PRELID2: variants seen among roughly 807,000 people sequenced by gnomAD.
The protein encoded by PRELID2 is PRELI domain containing 2, also known as PRELI domain-containing protein 2.
PRELID2 carries 25 observed loss-of-function variants against 28.4 expected under a neutral mutation model. That is an observed-to-expected ratio of 0.88 (90% CI 0.64 to 1.23). PRELID2 has a LOEUF of 1.23. Ranked by LOEUF, PRELID2 falls within the 50% of genes most tolerant of loss-of-function variation. The probability of loss-of-function intolerance (pLI) is 0.00; values close to 1 mark genes in which losing one functional copy is unlikely to be tolerated. For missense variants in PRELID2, 201 were observed against 214.4 expected (o/e 0.94, Z 0.39); for synonymous variants, 76 against 71.6 (o/e 1.06, Z -0.31).
chr5:145,756,206 G>A (rs1178374319), downstream of PRELID2, among the ~76,000 whole-genome samples: 1 of 152,164 alleles, frequency 6.6e-6, no homozygotes, highest in Non-Finnish European at 1.5e-5. Flanking sequence ...AGGGAAGGCA[G>A]GGAGCTAACA....
chr5:145,342,684 A>C, the PRELID2 span, among the ~76,000 whole-genome samples: 3 of 151,518 alleles, frequency 2.0e-5, no homozygotes, highest in African/African-American at 7.3e-5. Flanking sequence ...CTAGAGAATT[A>C]TTGTATTTCT....
chr5:145,335,710 G>T, the PRELID2 span, among the ~76,000 whole-genome samples: 1 of 152,160 alleles, frequency 6.6e-6, no homozygotes, highest in Non-Finnish European at 1.5e-5. Context: ...GTTCTAAGAG[G>T]CAAGTTTAAG....
chr5:145,698,442 C>T (rs527506632), intron 1 of PRELID2, among the ~76,000 whole-genome samples: 1 of 152,242 alleles, frequency 6.6e-6, no homozygotes, highest in African/African-American at 2.4e-5. Flanking sequence ...GTTTGGGCTG[C>T]TATAACAAGT....
At chr5:145,415,651 G>A in the PRELID2 span, among the ~76,000 whole-genome samples, 105 of 150,412 alleles carry the variant, frequency 7.0e-4, no homozygotes, top group African/African-American at 2.5e-3. Context: ...TGGTGTATAT[G>A]TGCCACATTT....
At chr5:145,261,131 C>A in the PRELID2 span, among the ~76,000 whole-genome samples, 1 of 152,222 alleles carries the variant, frequency 6.6e-6, no homozygotes, top group South Asian at 2.1e-4. Flanking sequence ...GCCTGAGAAC[C>A]ACACTCCCAT....
chr5:145,595,173 C>CACATACAT (rs752415508), intron 1 of PRELID2, among the ~76,000 whole-genome samples: 1 of 150,558 alleles, frequency 6.6e-6, no homozygotes. Context: ...CACACACACA[C>CACATACAT]ACACACACAC....
the PRELID2 span, among the ~76,000 whole-genome samples, chr5:145,426,581 A>C: frequency 6.6e-6 from 1 of 152,198 alleles, no homozygotes; most frequent in Non-Finnish European, 1.5e-5. Flanking sequence ...TTTATGGTAC[A>C]TTGCCTATAT....
At chr5:145,415,837 A>T in the PRELID2 span, among the ~76,000 whole-genome samples, 1 of 151,744 alleles carries the variant, frequency 6.6e-6, no homozygotes. Flanking sequence ...CTAGTTCTAG[A>T]TCCCTGAGGA....
rs1408752175 is a variant in PRELID2, at chr5:145,592,144, C to T, written n.71-118829G>A. Among the ~76,000 whole-genome samples, 6 of 152,258 alleles carry T rather than the reference C, an allele frequency of 3.9e-5. No individual in the cohort carries two copies. The South Asian group carries it at 6.2e-4, about 16-fold the overall frequency. On this transcript the variant is annotated intron_variant and non_coding_transcript_variant, in intron 1 of 2. Coordinates refer to the PRELID2 transcript ENST00000510259. ...GAAAACTTGTTAAATCAGCCAGGCACGGTGGCTCACGCCTGTAATCCCACC... is the reference window on the plus strand; with the variant it reads ...GAAAACTTGTTAAATCAGCCAGGCATGGTGGCTCACGCCTGTAATCCCACC...
chr5:145,669,050 C>T (rs534479510), intron 1 of PRELID2, among the ~76,000 whole-genome samples: 16 of 152,096 alleles, frequency 1.1e-4, no homozygotes, highest in Non-Finnish European at 1.8e-4. Flanking sequence ...TCCCCGTGCT[C>T]CCCAGCTTCC....
Position 145,725,360 on chromosome 5 carries a change from G to C in PRELID2, n.70+39571C>G, listed in dbSNP as rs1228641553. ...ATTCTTGGAGTTGGTAGAAATGTAG[G>C]GATGTAAACCTTTAAGCATTGCTAA... is the stretch of plus-strand genomic sequence containing the variant. On this transcript the variant is annotated intron_variant and non_coding_transcript_variant, in intron 1 of 2. Coordinates refer to the PRELID2 transcript ENST00000510259. 2.0e-5 allele frequency among the ~76,000 whole-genome samples: 3 copies of C among 152,194 alleles called. No homozygotes were observed. The East Asian group carries it at 5.8e-4, about 29-fold the overall frequency.
At chr5:145,277,034 T>C in the PRELID2 span, among the ~76,000 whole-genome samples, 1 of 152,196 alleles carries the variant, frequency 6.6e-6, no homozygotes, top group Non-Finnish European at 1.5e-5. Flanking sequence ...TTTTTATGAA[T>C]GATGCCACAG....
chr5:145,474,503 G>A (rs1033288416), intron 1 of PRELID2, among the ~76,000 whole-genome samples: 1 of 152,152 alleles, frequency 6.6e-6, no homozygotes, highest in African/African-American at 2.4e-5. Flanking sequence ...GCAAATCATT[G>A]AAGAGTTCTG....
chr5:145,456,417 G>T, the PRELID2 span, among the ~76,000 whole-genome samples: 1 of 152,092 alleles, frequency 6.6e-6, no homozygotes, highest in Non-Finnish European at 1.5e-5. Flanking sequence ...AGAGCCTCTG[G>T]ATAGCACTTA....
the PRELID2 span, among the ~76,000 whole-genome samples, chr5:145,295,099 C>A: frequency 6.6e-6 from 1 of 152,034 alleles, no homozygotes; most frequent in Admixed American, 6.6e-5. Context: ...TGATTATTTG[C>A]CCAATGTGTT....
At chr5:145,271,596 T>C in the PRELID2 span, among the ~76,000 whole-genome samples, 1 of 152,290 alleles carries the variant, frequency 6.6e-6, no homozygotes, top group African/African-American at 2.4e-5. Flanking sequence ...TAAGTTACTG[T>C]CATTCCTAAA....
At chr5:145,815,005 C>A (rs1197376324) in intron 4 of PRELID2, among the ~76,000 whole-genome samples, 1 of 152,186 alleles carries the variant, frequency 6.6e-6, no homozygotes, top group Non-Finnish European at 1.5e-5. Flanking sequence ...CCCTCCCCTG[C>A]CACCCCCAAT....
intron 1 of PRELID2, among the ~76,000 whole-genome samples, chr5:145,628,533 A>C (rs1477321420): frequency 3.9e-5 from 6 of 152,162 alleles, no homozygotes; most frequent in African/African-American, 1.4e-4. Context: ...CATGTTGGCC[A>C]GCCTGGTTTT....
the PRELID2 span, among the ~76,000 whole-genome samples, chr5:145,242,414 G>A: frequency 6.6e-6 from 1 of 151,954 alleles, no homozygotes; most frequent in South Asian, 2.1e-4. Context: ...GCTCCACAAT[G>A]AGTTTTCTGT....
Sources: gnomAD v4.1 joint callset for allele counts (sites outside exome capture counted in the v4.1 genomes callset) on GRCh38, gnomAD v4.1.1 for gene constraint, MANE v1.5 for transcripts, NCBI Gene and HGNC (gene_info 2026-07-23, HGNC 2026-07-21) for gene names.